CSRNP3: variants seen among roughly 807,000 people sequenced by gnomAD.
CSRNP3 encodes the protein cysteine/serine-rich nuclear protein 3.
Under a neutral mutation model 48.0 loss-of-function variants are expected in CSRNP3, and 12 were observed. That is an observed-to-expected ratio of 0.25 (90% CI 0.16 to 0.41). The LOEUF is 0.41. Ranked by LOEUF, CSRNP3 falls within the 10% of genes least tolerant of loss-of-function variation. The probability of loss-of-function intolerance (pLI) is 1.00; values close to 1 mark genes in which losing one functional copy is unlikely to be tolerated. For missense variants in CSRNP3, 580 were observed against 724.4 expected (o/e 0.80, Z 2.29); for synonymous variants, 263 against 269.7 (o/e 0.98, Z 0.24).
At chr2:165,525,697 G>T (rs1038574484) in intron 3 of CSRNP3, among the ~76,000 whole-genome samples, 1 of 151,570 alleles carries the variant, frequency 6.6e-6, no homozygotes, top group African/African-American at 2.4e-5. Context: ...TCTCGGCAAG[G>T]CTGGTCTTGA....
At chr2:165,671,942 A>G (rs1250355556) in intron 5 of CSRNP3, among the ~76,000 whole-genome samples, 1 of 152,204 alleles carries the variant, frequency 6.6e-6, no homozygotes, top group East Asian at 1.9e-4. Context: ...GTTAAAGCAC[A>G]GCAAGAGTCA....
At chr2:165,611,247 G>T (rs1255354843) in intron 4 of CSRNP3, among the ~76,000 whole-genome samples, 1 of 152,078 alleles carries the variant, frequency 6.6e-6, no homozygotes. Flanking sequence ...GGAGATTTGT[G>T]CTTGGCTCAG....
At position 165,685,502 on chromosome 2, in the gene CSRNP3, A is replaced by T. The variant is rs962596340; in HGVS notation, c.*5749A>T. ...AATACGACCAGATTCAAAGCCTAAA[A>T]CAATATGTTTCAGTTTACTTTTATA... is the stretch of plus-strand genomic sequence containing the variant. On this transcript the variant is annotated 3_prime_UTR_variant, in exon 7 of 7. Coordinates refer to ENST00000651982, the MANE Select transcript of CSRNP3 (RefSeq NM_001172173.2). 2 of 152,076 alleles carry T rather than the reference A, an allele frequency of 1.3e-5. No individual in the cohort carries two copies. Among genetic ancestry groups the T allele is most frequent in the African/African-American group, 4.8e-5 (2 of 41,440 alleles). 9.4% of individuals were successfully genotyped at this position (152,076 alleles called of 1,614,324 possible). A position where few individuals can be genotyped will look rare whatever the true frequency, so the allele number is the denominator to read the frequency against.
chr2:165,552,800 T>A (rs1034924912), intron 3 of CSRNP3, among the ~76,000 whole-genome samples: 1 of 152,140 alleles, frequency 6.6e-6, no homozygotes, highest in African/African-American at 2.4e-5. Context: ...GTTCTAGCGA[T>A]CCTTCTGCCT....
intron 3 of CSRNP3, among the ~76,000 whole-genome samples, chr2:165,571,587 T>G (rs1464332046): frequency 2.6e-5 from 4 of 152,156 alleles, no homozygotes; most frequent in African/African-American, 9.6e-5. Flanking sequence ...TTGTTAACAT[T>G]GAAATCAGAT....
intron 4 of CSRNP3, among the ~76,000 whole-genome samples, chr2:165,639,140 C>T (rs750221005): frequency 6.6e-6 from 1 of 152,140 alleles, no homozygotes; most frequent in African/African-American, 2.4e-5. Flanking sequence ...TATGACACAT[C>T]GCTGCTTTCT....
intron 1 of CSRNP3, among the ~76,000 whole-genome samples, chr2:165,474,371 C>A (rs1391909698): frequency 6.6e-6 from 1 of 152,088 alleles, no homozygotes; most frequent in African/African-American, 2.4e-5. Context: ...TCCCAAGTGG[C>A]TGGGGGATTG....
At chr2:165,574,419 A>G (rs1205607147) in intron 3 of CSRNP3, 1 of 1,549,100 alleles carries the variant, frequency 6.5e-7, no homozygotes, top group Non-Finnish European at 8.7e-7. Context: ...TAGTCGTTAT[A>G]TAGTGCACGC....
chr2:165,559,633 A>G (rs547663875), intron 3 of CSRNP3, among the ~76,000 whole-genome samples: 1 of 152,180 alleles, frequency 6.6e-6, no homozygotes. Context: ...ATCAAGCTCT[A>G]TTTGTCACCA....
At chr2:165,568,596 A>G (rs981822996) in intron 3 of CSRNP3, among the ~76,000 whole-genome samples, 1 of 152,030 alleles carries the variant, frequency 6.6e-6, no homozygotes, top group African/African-American at 2.4e-5. Context: ...AGAGTGTTTC[A>G]AGAGGCTCAA....
rs981454051 is a variant in CSRNP3, at chr2:165,689,329, A to G, written c.*9576A>G. ...TTCTTTTATTAGTGGCACTTGTATT[A>G]TGCTGTACTTTTTATTACATATTGT... On this transcript the variant is annotated 3_prime_UTR_variant, in exon 7 of 7. Coordinates refer to ENST00000651982, the MANE Select transcript of CSRNP3 (RefSeq NM_001172173.2). 2 of 152,132 alleles carry G rather than the reference A, an allele frequency of 1.3e-5. No homozygotes were observed. Among genetic ancestry groups the G allele is most frequent in the Non-Finnish European group, 2.9e-5 (2 of 67,994 alleles). The allele number at this position is 152,132 out of a possible 1,614,324, so 9.4% of individuals were successfully genotyped here.
intron 3 of CSRNP3, among the ~76,000 whole-genome samples, chr2:165,572,073 T>C (rs1685381244): frequency 6.6e-6 from 1 of 152,292 alleles, no homozygotes; most frequent in African/African-American, 2.4e-5. Flanking sequence ...CAAGTTCTCC[T>C]TCCTTAAATT....
rs1329110746 is a variant in CSRNP3 at position 165,680,197 on chromosome 2, T to C, written c.*444T>C. ...AAAAGTAATTATTGTAAGAAAAAGA[T>C]TTAATTGTTCCATGTGTATTTTATT... On this transcript the variant is annotated 3_prime_UTR_variant, in exon 7 of 7. Coordinates refer to ENST00000651982, the MANE Select transcript of CSRNP3 (RefSeq NM_001172173.2). The C allele has an allele frequency of 6.4e-6, 1 of 156,080 alleles. No individual in the cohort carries two copies. Among genetic ancestry groups the C allele is most frequent in the African/African-American group, 2.4e-5 (1 of 41,510 alleles). The allele number at this position is 156,080 out of a possible 1,614,324, so 9.7% of individuals were successfully genotyped here.
intron 3 of CSRNP3, among the ~76,000 whole-genome samples, chr2:165,536,044 A>T (rs574584424): frequency 3.6e-4 from 55 of 151,866 alleles, no homozygotes; most frequent in Non-Finnish European, 6.6e-4. Context: ...CTTTAAAATA[A>T]TGTTCTTAAC....
At chr2:165,598,873 A>G (rs890411338) in intron 4 of CSRNP3, among the ~76,000 whole-genome samples, 46 of 152,158 alleles carry the variant, frequency 3.0e-4, no homozygotes, top group African/African-American at 1.1e-3. Flanking sequence ...CACATTAGGA[A>G]GAGAGACATA....
intron 1 of CSRNP3, among the ~76,000 whole-genome samples, chr2:165,471,572 A>G (rs577497661): frequency 2.0e-5 from 3 of 152,108 alleles, no homozygotes; most frequent in African/African-American, 4.8e-5. Flanking sequence ...CAGCTGCTGC[A>G]GATGCATTTT....
chr2:165,656,991 C>T (rs564536994), intron 4 of CSRNP3, among the ~76,000 whole-genome samples: 2 of 152,244 alleles, frequency 1.3e-5, no homozygotes, highest in East Asian at 3.9e-4. Flanking sequence ...CAAGCACAAT[C>T]CAAAAATATT....
At position 165,673,129 on chromosome 2, in the gene CSRNP3, CT is replaced by C. The variant is rs1432044651; in HGVS notation, c.409-3182del. On this transcript the variant is annotated intron_variant, in intron 5 of 6. Transcript: ENST00000651982. ...TGAGCAAGAGTGAAACAGTATGTAG[CT>C]CTTTTTTTTTTTTTTTTTTTTTTTT... Among the ~76,000 whole-genome samples, 3 of 42,982 alleles carry C rather than the reference CT, an allele frequency of 7.0e-5. 1 individual carries two copies. The highest frequency in any genetic ancestry group is 2.2e-4 in the African/African-American group (3 of 13,702). 28.2% of individuals were successfully genotyped at this position (42,982 alleles called of 152,430 possible).
chr2:165,651,412 A>G (rs1460046094), intron 4 of CSRNP3, among the ~76,000 whole-genome samples: 1 of 152,202 alleles, frequency 6.6e-6, no homozygotes, highest in African/African-American at 2.4e-5. Flanking sequence ...GATACTTGAT[A>G]TACTCATCCC....
Sources: allele counts gnomAD v4.1 joint callset (sites outside exome capture counted in the v4.1 genomes callset), GRCh38; gene constraint gnomAD v4.1.1; transcripts MANE v1.5; gene names NCBI Gene and HGNC (gene_info 2026-07-23, HGNC 2026-07-21).